The following CHST6 variants were observed in gnomAD, a reference collection of about 807,000 sequenced individuals.
CHST6 encodes N-acetylglucosamine 6-O-sulfotransferase 5.
For missense variants in CHST6, 698 were observed against 586.2 expected, an observed-to-expected ratio of 1.19 and a Z score of -1.97; for synonymous variants, 309 against 276.4, an observed-to-expected ratio of 1.12 and a Z score of -1.17.
intron 1 of CHST6, among the ~76,000 whole-genome samples, chr16:75,484,648 G>A (rs1231555648): frequency 1.3e-5 from 2 of 152,088 alleles, no homozygotes; most frequent in Non-Finnish European, 2.9e-5. Flanking sequence ...TCAGTAGATC[G>A]AGACCAGCCT....
chr16:75,484,261 C>T (rs1219078403), intron 1 of CHST6, among the ~76,000 whole-genome samples: 2 of 152,034 alleles, frequency 1.3e-5, no homozygotes, highest in Non-Finnish European at 2.9e-5. Context: ...TGCTTGAATC[C>T]AGGAGGTGGA....
chr16:75,479,725 G>T lies in CHST6; in HGVS notation c.104C>A (p.Ala35Glu). ...CACATGCACGCGCGCCTCGCCGCCTGCTGGGGACGAGGGCCCTGGCCGGGA... is the reference window on the plus strand; with the variant it reads ...CACATGCACGCGCGCCTCGCCGCCTTCTGGGGACGAGGGCCCTGGCCGGGA... ...LVSRPGPSSP[A>E]GGEARVHVLV... The change falls in exon 3 of 3, where the codon GCA (alanine) becomes GAA (glutamate). Residue 35 changes from alanine (A) to glutamate (E), a missense_variant. Coordinates refer to ENST00000332272, the MANE Select transcript of CHST6 (RefSeq NM_021615.5). 1 of 1,607,896 alleles carries T rather than the reference G, an allele frequency of 6.2e-7. No homozygotes were observed. Among genetic ancestry groups the T allele is most frequent in the East Asian group, 2.2e-5 (1 of 44,666 alleles).
At position 75,475,311 on chromosome 16, in the gene CHST6, C is replaced by T. The variant is rs756455225; in HGVS notation, c.*3330G>A. ...TCAAACTGGCTCACAGGAAGTTGCA[C>T]TACACTTGTCTACAGGACAAAGCAA... On this transcript the variant is annotated 3_prime_UTR_variant, in exon 3 of 3. Coordinates refer to ENST00000332272, the MANE Select transcript of CHST6 (RefSeq NM_021615.5). 1 of 152,242 alleles carries T rather than the reference C, an allele frequency of 6.6e-6. No individual in the cohort carries two copies. Among genetic ancestry groups the T allele is most frequent in the African/African-American group, 2.4e-5 (1 of 41,444 alleles). 9.4% of individuals were successfully genotyped at this position (152,242 alleles called of 1,614,324 possible). A position where few individuals can be genotyped will look rare whatever the true frequency, so the allele number is the denominator to read the frequency against.
chr16:75,493,346 T>C (rs2080276301), intron 1 of CHST6, among the ~76,000 whole-genome samples: 2 of 151,982 alleles, frequency 1.3e-5, no homozygotes, highest in African/African-American at 2.4e-5. Context: ...CCATCTTTAC[T>C]AAAAATACAA....
In CHST6 at chr16:75,479,423, T is replaced by C; in HGVS notation, c.406A>G (p.Ser136Gly). ...SRALCSPPAC[S>G]AFPRGAISSE... The stretch of plus-strand genomic sequence containing the variant: ...CTGATGGCGCCTCGGGGAAAGGCAC[T>C]GCAGGCGGGTGGCGAGCACAGTGCA... Residue 136 changes from serine (S) to glycine (G), a missense_variant, in exon 3 of 3, where the codon AGT (serine) becomes GGT (glycine). Transcript: ENST00000332272. 7.4e-6 allele frequency: 12 copies of C among 1,612,884 alleles called. No homozygotes were observed. The highest frequency in any genetic ancestry group is 1.0e-5 in the Non-Finnish European group (12 of 1,179,826).
At position 75,484,823 on chromosome 16, in the gene CHST6, G is replaced by A. The variant is rs150857190; in HGVS notation, c.-91-2932C>T. Among the ~76,000 whole-genome samples, 541 of 152,162 alleles carry A rather than the reference G, an allele frequency of 3.6e-3. 3 individuals carry two copies. The highest frequency in any genetic ancestry group is 0.011 in the African/African-American group (475 of 41,510). ...TGCGCCACTGTACTCCAGCCTGGGC[G>A]ACAGAGCGAGACTCCATCTCAAAAA... On this transcript the variant is annotated intron_variant, in intron 1 of 2. Transcript: ENST00000332272.
At position 75,472,238 on chromosome 16, in the gene CHST6, T is replaced by C. The variant is rs986050324; in HGVS notation, c.*6403A>G. The C allele has an allele frequency of 1.3e-5, 2 of 152,250 alleles. No individual in the cohort carries two copies. The highest frequency in any genetic ancestry group is 6.5e-5 in the Admixed American group (1 of 15,288). 9.4% of individuals were successfully genotyped at this position (152,250 alleles called of 1,614,324 possible). ...TATATACAAATGTTTAATCAAACTT[T>C]ACACTTTATGTGCAGATGTTGTATA... On this transcript the variant is annotated 3_prime_UTR_variant, in exon 3 of 3. Coordinates refer to ENST00000332272, the MANE Select transcript of CHST6 (RefSeq NM_021615.5).
intron 2 of CHST6, among the ~76,000 whole-genome samples, chr16:75,481,154 TG>T (rs1036481930): frequency 1.3e-5 from 2 of 151,634 alleles, no homozygotes; most frequent in Non-Finnish European, 1.5e-5. Context: ...AGTGCGCCTG[TG>T]GTCCCTGCTA....
In CHST6 at chr16:75,479,786, G is replaced by T. The variant is rs771635435; in HGVS notation, c.43C>A (p.Leu15Ile). 25 of 1,586,112 alleles carry T rather than the reference G, an allele frequency of 1.6e-5. No homozygotes were observed. In the African/African-American group the frequency reaches 2.5e-4, roughly 16 times the overall value. Residue 15 changes from leucine (L) to isoleucine (I), a missense_variant, in exon 3 of 3, where the codon CTC (leucine) becomes ATC (isoleucine). Transcript: ENST00000332272. ...AGGAGGAGGAAGGTCTGCGCCAGGA[G>T]GAGCGCGGTCACTGCTGTGCTGGAG... Reference protein sequence around the residue: ...RVSSTAVTALLLAQTFLLLFL... With the variant: ...RVSSTAVTALILAQTFLLLFL...
At chr16:75,492,734 T>C (rs1396032649) in intron 1 of CHST6, among the ~76,000 whole-genome samples, 1 of 145,006 alleles carries the variant, frequency 6.9e-6, no homozygotes, top group Non-Finnish European at 1.5e-5. Flanking sequence ...CTTGTAATCC[T>C]AGCTACCCAG....
At chr16:75,492,629 A>G (rs1300238118) in intron 1 of CHST6, among the ~76,000 whole-genome samples, 2 of 152,202 alleles carry the variant, frequency 1.3e-5, no homozygotes, top group East Asian at 3.8e-4. Context: ...CAGGCAGATC[A>G]CCTTAGGTCA....
intron 1 of CHST6, among the ~76,000 whole-genome samples, chr16:75,483,196 G>A (rs1357993277): frequency 6.6e-6 from 1 of 152,198 alleles, no homozygotes; most frequent in Non-Finnish European, 1.5e-5. Context: ...TAAGCTTCTG[G>A]CACTTCTGAT....
rs370019109 is a variant in CHST6, at chr16:75,474,290, T to C, written c.*4351A>G. 4.9e-5 allele frequency: 15 copies of C among 303,518 alleles called. No homozygotes were observed. In the South Asian group the frequency reaches 1.5e-3, roughly 30 times the overall value. The allele number at this position is 303,518 out of a possible 1,614,324, so 18.8% of individuals were successfully genotyped here. A position where few individuals can be genotyped will look rare whatever the true frequency, so the allele number is the denominator to read the frequency against. ...AATACCACAGATGGGGTCATTTATT[T>C]AGAGATAGGTGTCTTGCTCTGTCAC... On this transcript the variant is annotated 3_prime_UTR_variant, in exon 3 of 3. Coordinates refer to ENST00000332272, the MANE Select transcript of CHST6 (RefSeq NM_021615.5).
At chr16:75,492,814 A>C (rs898248729) in intron 1 of CHST6, among the ~76,000 whole-genome samples, 1 of 152,140 alleles carries the variant, frequency 6.6e-6, no homozygotes, top group Non-Finnish European at 1.5e-5. Context: ...ACGCCACTGC[A>C]CTCCAGTCTG....
At position 75,479,543 on chromosome 16, in the gene CHST6, C is replaced by A. The variant is rs1180963927; in HGVS notation, c.286G>T (p.Val96Leu). ...ATLHMAVRDL[V>L]RSVFLCDMDV... ...ATGTCGCACAGGAAGACGGAGCGCACCAGGTCGCGCACAGCCATGTGCAGC... is the reference window on the plus strand; with the variant it reads ...ATGTCGCACAGGAAGACGGAGCGCAACAGGTCGCGCACAGCCATGTGCAGC... The change falls in exon 3 of 3, where the codon GTG becomes TTG. Residue 96 changes from valine to leucine, a missense_variant. Val to Leu is a conservative substitution (Grantham distance 32). Coordinates refer to ENST00000332272, the MANE Select transcript of CHST6 (RefSeq NM_021615.5). The A allele has an allele frequency of 6.2e-7, 1 of 1,612,974 alleles. No individual in the cohort carries two copies. Among genetic ancestry groups the A allele is most frequent in the Non-Finnish European group, 8.5e-7 (1 of 1,179,858 alleles).
intron 1 of CHST6, among the ~76,000 whole-genome samples, chr16:75,482,829 G>A (rs1337513640): frequency 6.6e-6 from 1 of 152,086 alleles, no homozygotes; most frequent in Non-Finnish European, 1.5e-5. Flanking sequence ...TCATCAGGAG[G>A]CAACAGGGGT....
intron 1 of CHST6, among the ~76,000 whole-genome samples, chr16:75,492,871 C>A (rs955840129): frequency 4.2e-4 from 64 of 151,962 alleles, no homozygotes; most frequent in Admixed American, 1.3e-3. Flanking sequence ...AAACAAAAAC[C>A]AAAACCAAAA....
intron 1 of CHST6, among the ~76,000 whole-genome samples, chr16:75,493,516 CAAAA>C (rs55916880): frequency 9.6e-6 from 1 of 104,364 alleles, no homozygotes; most frequent in African/African-American, 3.2e-5. Context: ...GACTCCGTAT[CAAAA>C]AAAAAAAAAA....
rs2080064321 is a variant in CHST6 at position 75,476,229 on chromosome 16, C to A, written c.*2412G>T. The A allele has an allele frequency of 6.6e-6, 1 of 151,936 alleles. No homozygotes were observed. The highest frequency in any genetic ancestry group is 2.4e-5 in the African/African-American group (1 of 41,312). 9.4% of individuals were successfully genotyped at this position (151,936 alleles called of 1,614,324 possible). On this transcript the variant is annotated 3_prime_UTR_variant, in exon 3 of 3. Transcript: ENST00000332272. The stretch of plus-strand genomic sequence containing the variant: ...GTGATTAGATAATGAAGGTGGAGAC[C>A]TCAAGAATGGGATTAGTGACATTCT...
Sources: gnomAD v4.1 joint callset for allele counts (sites outside exome capture counted in the v4.1 genomes callset) on GRCh38, gnomAD v4.1.1 for gene constraint, MANE v1.5 for transcripts, NCBI Gene and HGNC (gene_info 2026-07-23, HGNC 2026-07-21) for gene names.